The following HS2ST1 variants were observed in gnomAD, a reference collection of about 807,000 sequenced individuals.
HS2ST1 encodes the protein heparan sulfate 2-O-sulfotransferase 1.
A neutral mutation model predicts 42.9 loss-of-function variants in HS2ST1; 18 were observed. The observed-to-expected ratio is 0.42, with a 90% CI of 0.29 to 0.62. HS2ST1 has a LOEUF of 0.62. HS2ST1 is among the 20% of genes least tolerant of loss of function. The pLI is 0.21. For missense variants in HS2ST1, 334 were observed against 433.8 expected (o/e 0.77, Z 2.04); for synonymous variants, 146 against 152.9 (o/e 0.95, Z 0.33).
intron 1 of HS2ST1, among the ~76,000 whole-genome samples, chr1:86,922,034 CG>C (rs1255871502): frequency 3.9e-5 from 6 of 152,098 alleles, no homozygotes; most frequent in Non-Finnish European, 7.4e-5. Context: ...GGTTTAAATT[CG>C]TGAGTTGCTA....
intron 1 of HS2ST1, among the ~76,000 whole-genome samples, chr1:86,982,366 T>TC (rs1648620909): frequency 6.6e-6 from 1 of 152,208 alleles, no homozygotes; most frequent in Non-Finnish European, 1.5e-5. Context: ...CTTGAATTCC[T>TC]CCCCAGAAAA....
intron 1 of HS2ST1, among the ~76,000 whole-genome samples, chr1:87,055,163 A>G (rs1479198354): frequency 2.0e-5 from 3 of 152,158 alleles, no homozygotes; most frequent in African/African-American, 7.2e-5. Flanking sequence ...TTGTTCTTAC[A>G]CAAGCTTGAA....
chr1:86,949,538 C>T (rs1647438902), intron 1 of HS2ST1, among the ~76,000 whole-genome samples: 1 of 152,148 alleles, frequency 6.6e-6, no homozygotes, highest in African/African-American at 2.4e-5. Context: ...CCACTGCACT[C>T]CACCCTGGGT....
At chr1:86,956,343 A>G (rs969525181) in intron 1 of HS2ST1, 6 of 152,342 alleles carry the variant, frequency 3.9e-5, no homozygotes, top group South Asian at 2.1e-4. Context: ...CAAAGCCAGG[A>G]TTTTTCTGAA....
intron 1 of HS2ST1, among the ~76,000 whole-genome samples, chr1:86,933,178 C>G (rs1660576814): frequency 6.6e-6 from 1 of 150,382 alleles, no homozygotes. Context: ...GTGTTTATCC[C>G]TCTTGAGTTC....
intron 1 of HS2ST1, among the ~76,000 whole-genome samples, chr1:87,031,076 G>A (rs147834501): frequency 2.0e-5 from 3 of 152,062 alleles, no homozygotes; most frequent in Non-Finnish European, 4.4e-5. Flanking sequence ...AGTAGCTGGG[G>A]CCATAGACTC....
At chr1:87,030,976 G>T (rs1420163473) in intron 1 of HS2ST1, among the ~76,000 whole-genome samples, 2 of 152,104 alleles carry the variant, frequency 1.3e-5, no homozygotes, top group African/African-American at 4.8e-5. Flanking sequence ...GTCTTGCTCT[G>T]TTGCCCAGGC....
At chr1:87,091,140 TG>T (rs1406868498) in intron 3 of HS2ST1, among the ~76,000 whole-genome samples, 9 of 152,062 alleles carry the variant, frequency 5.9e-5, no homozygotes, top group African/African-American at 2.2e-4. Context: ...TTTTGTTCAT[TG>T]CTGTATTCCT....
At chr1:87,030,592 A>G (rs527813012) in intron 1 of HS2ST1, among the ~76,000 whole-genome samples, 3 of 152,324 alleles carry the variant, frequency 2.0e-5, no homozygotes, top group Non-Finnish European at 2.9e-5. Context: ...CAGTATTTTG[A>G]AGAAATCAGA....
intron 3 of HS2ST1, among the ~76,000 whole-genome samples, chr1:87,088,159 T>G (rs1363980750): frequency 6.6e-6 from 1 of 152,108 alleles, no homozygotes; most frequent in Non-Finnish European, 1.5e-5. Context: ...TGTCTGAATC[T>G]CTGCTGGTCC....
At chr1:87,041,468 G>A (rs76819550) in intron 1 of HS2ST1, among the ~76,000 whole-genome samples, 3,660 of 151,944 alleles carry the variant, frequency 0.024, 47 homozygotes, top group South Asian at 0.054. Context: ...ACCTTCCCCC[G>A]CCCTTAACAA....
intron 1 of HS2ST1, among the ~76,000 whole-genome samples, chr1:86,975,962 T>TA (rs1406897955): frequency 6.6e-6 from 1 of 152,212 alleles, no homozygotes; most frequent in Admixed American, 6.5e-5. Context: ...GATTCAGCTT[T>TA]ACAAATCCAA....
intron 1 of HS2ST1, among the ~76,000 whole-genome samples, chr1:87,060,820 C>A (rs114896838): frequency 0.025 from 3,732 of 152,090 alleles, 50 homozygotes; most frequent in South Asian, 0.057. Flanking sequence ...AACTCATATT[C>A]CTTTAACGTA....
At chr1:87,098,730 A>T (rs1652128934) in intron 5 of HS2ST1, among the ~76,000 whole-genome samples, 1 of 152,198 alleles carries the variant, frequency 6.6e-6, no homozygotes, top group Non-Finnish European at 1.5e-5. Context: ...TAGAACAGGG[A>T]TTGGCAAACT....
At chr1:87,089,738 C>T (rs143016628) in intron 3 of HS2ST1, among the ~76,000 whole-genome samples, 91 of 152,142 alleles carry the variant, frequency 6.0e-4, no homozygotes, top group Admixed American at 1.8e-3. Flanking sequence ...AAAATGAGTT[C>T]ACAGATTATA....
chr1:87,004,251 C>T (rs2100572263), intron 1 of HS2ST1, among the ~76,000 whole-genome samples: 1 of 152,102 alleles, frequency 6.6e-6, no homozygotes, highest in Non-Finnish European at 1.5e-5. Flanking sequence ...ATTAGGTGGG[C>T]ATGGTGGCAG....
chr1:87,051,392 C>T (rs1013726828), intron 1 of HS2ST1, among the ~76,000 whole-genome samples: 5 of 152,024 alleles, frequency 3.3e-5, no homozygotes, highest in African/African-American at 7.2e-5. Context: ...TCAACCCATA[C>T]CTTTTCATAA....
At chr1:87,094,111 G>A (rs920702516) in intron 4 of HS2ST1, among the ~76,000 whole-genome samples, 2 of 151,764 alleles carry the variant, frequency 1.3e-5, no homozygotes, top group African/African-American at 4.8e-5. Context: ...TCACTTGTGC[G>A]CTTTCTTTTT....
intron 2 of HS2ST1, among the ~76,000 whole-genome samples, chr1:87,083,363 C>G (rs2100643569): frequency 6.6e-6 from 1 of 152,224 alleles, no homozygotes; most frequent in South Asian, 2.1e-4. Flanking sequence ...CCTCACTGCC[C>G]CCACTTTCTG....
Sources: gnomAD v4.1 joint callset for allele counts (sites outside exome capture counted in the v4.1 genomes callset) on GRCh38, gnomAD v4.1.1 for gene constraint, MANE v1.5 for transcripts, NCBI Gene and HGNC (gene_info 2026-07-23, HGNC 2026-07-21) for gene names.